ZDHHC18: variants seen among roughly 807,000 people sequenced by gnomAD.
The protein encoded by ZDHHC18 is palmitoyltransferase ZDHHC18.
Under a neutral mutation model 37.5 loss-of-function variants are expected in ZDHHC18, and 23 were observed. The observed-to-expected ratio is 0.61, with a 90% CI of 0.44 to 0.87. The LOEUF (loss-of-function observed/expected upper bound fraction) is 0.87, where lower values mean the gene tolerates loss of function less well. Ranked by LOEUF, ZDHHC18 falls within the 40% of genes least tolerant of loss-of-function variation. The probability of loss-of-function intolerance (pLI) is 0.00; values close to 1 mark genes in which losing one functional copy is unlikely to be tolerated. For missense variants in ZDHHC18, 406 were observed against 525.6 expected (o/e 0.77, Z 2.22); for synonymous variants, 185 against 218.7 (o/e 0.85, Z 1.36).
chr1:26,835,258 A>G (rs955453692), intron 2 of ZDHHC18, among the ~76,000 whole-genome samples: 7 of 152,234 alleles, frequency 4.6e-5, no homozygotes, highest in Admixed American at 1.3e-4. Flanking sequence ...GGTGGAATCA[A>G]TCTTGTAGGG....
Position 26,827,133 on chromosome 1 carries a change from T to A in ZDHHC18, c.329T>A (p.Val110Asp). 7.1e-7 allele frequency: 1 copy of A among 1,410,040 alleles called. No homozygotes were observed. The highest frequency in any genetic ancestry group is 1.5e-5 in the African/African-American group (1 of 66,938). 87.3% of individuals were successfully genotyped at this position (1,410,040 alleles called of 1,614,324 possible). A position where few individuals can be genotyped will look rare whatever the true frequency, so the allele number is the denominator to read the frequency against. Residue 110 changes from valine to aspartate, a missense_variant, in exon 1 of 8, where the codon GTC becomes GAC. Val to Asp is a radical substitution (Grantham distance 152). Transcript: ENST00000374142. The stretch of plus-strand genomic sequence containing the variant: ...CTCACCACCACCGGCCTCTTCTTCG[T>A]CTTTGAGTGAGTTCCGCTGCCTCGG... ...LILTTTGLFF[V>D]FDCPYLARKL...
Position 26,826,989 on chromosome 1 carries a change from T to A in ZDHHC18, c.185T>A (p.Leu62His), listed in dbSNP as rs1192631554. 60 of 1,227,362 alleles carry A rather than the reference T, an allele frequency of 4.9e-5. 1 individual carries two copies. In the South Asian group the frequency reaches 1.5e-3, roughly 32 times the overall value. 76.0% of individuals were successfully genotyped at this position (1,227,362 alleles called of 1,614,324 possible). A position where few individuals can be genotyped will look rare whatever the true frequency, so the allele number is the denominator to read the frequency against. The change falls in exon 1 of 8, where the codon CTC (leucine) becomes CAC (histidine). Residue 62 changes from leucine to histidine, a missense_variant. By Grantham distance (99) the Leu-to-His change is moderately conservative (BLOSUM62 -3). Transcript: ENST00000374142. The surrounding 1 kb of genome is among the most constrained non-coding windows in gnomAD (Gnocchi z 5.2). The part of the protein sequence containing the change: ...GSGSGSGSGS[L>H]GRRPRRKWEV... ...GGCAGCGGCAGCGGGAGCGGGAGCC[T>A]CGGCCGCCGCCCACGGCGCAAGTGG...
intron 2 of ZDHHC18, among the ~76,000 whole-genome samples, chr1:26,835,223 A>G (rs1327968816): frequency 6.6e-6 from 1 of 152,232 alleles, no homozygotes; most frequent in Non-Finnish European, 1.5e-5. Flanking sequence ...TAGGGATATT[A>G]GAGATATTCC....
chr1:26,828,675 C>T (rs60314236), intron 1 of ZDHHC18, among the ~76,000 whole-genome samples: 19,538 of 151,822 alleles, frequency 0.13, 1,414 homozygotes, highest in Non-Finnish European at 0.17. Flanking sequence ...TAGCTTCTCC[C>T]TTTACCCTTT....
chr1:26,849,849 G>C (rs1466415940), intron 3 of ZDHHC18, among the ~76,000 whole-genome samples: 1 of 152,226 alleles, frequency 6.6e-6, no homozygotes, highest in Non-Finnish European at 1.5e-5. Flanking sequence ...GCACTGCTCT[G>C]GATCCTGGGG....
At chr1:26,840,202 A>T (rs2081631184) in intron 2 of ZDHHC18, among the ~76,000 whole-genome samples, 1 of 152,148 alleles carries the variant, frequency 6.6e-6, no homozygotes, top group Non-Finnish European at 1.5e-5. Flanking sequence ...GATTCCAGTA[A>T]CTTCTGTCAG....
chr1:26,852,604 C>G (rs549131173), intron 6 of ZDHHC18, 149 bp from the exon 7 acceptor site: 2 of 641,884 alleles, frequency 3.1e-6, no homozygotes, highest in Admixed American at 2.8e-5. Context: ...CCCCCACATT[C>G]TCATTGAATG....
intron 6 of ZDHHC18, 62 bp from the exon 7 acceptor site, chr1:26,852,691 C>T: frequency 6.2e-6 from 9 of 1,458,052 alleles, no homozygotes; most frequent in Non-Finnish European, 8.6e-6. Flanking sequence ...GCCTCTAGAC[C>T]TGCCTCCTAG....
At chr1:26,835,913 G>A (rs1486193748) in intron 2 of ZDHHC18, among the ~76,000 whole-genome samples, 1 of 152,154 alleles carries the variant, frequency 6.6e-6, no homozygotes, top group African/African-American at 2.4e-5. Flanking sequence ...GTCTGGCCCA[G>A]GGCTCCTGCC....
chr1:26,838,196 T>C (rs2124254445), intron 2 of ZDHHC18, among the ~76,000 whole-genome samples: 1 of 152,094 alleles, frequency 6.6e-6, no homozygotes, highest in South Asian at 2.1e-4. Context: ...AGTTTCTCCA[T>C]GTTGGTCAGG....
At chr1:26,848,472 C>T (rs79515699) in intron 2 of ZDHHC18, 136 bp from the exon 3 acceptor site, 4 of 1,173,064 alleles carry the variant, frequency 3.4e-6, no homozygotes, top group Non-Finnish European at 4.9e-6. Context: ...ACATTTTACT[C>T]CAATGTTTGT....
intron 2 of ZDHHC18, among the ~76,000 whole-genome samples, chr1:26,838,774 C>T (rs775170184): frequency 6.6e-6 from 1 of 152,272 alleles, no homozygotes; most frequent in Non-Finnish European, 1.5e-5. Flanking sequence ...TAATTATCCA[C>T]TTCTGTCTGA....
At chr1:26,827,448 G>A (rs2081563750) in intron 1 of ZDHHC18, among the ~76,000 whole-genome samples, 1 of 151,058 alleles carries the variant, frequency 6.6e-6, no homozygotes, top group Non-Finnish European at 1.5e-5. Flanking sequence ...AGGAACACCA[G>A]CCTCCATGCC....
In ZDHHC18 at chr1:26,854,038, G is replaced by A. The variant is rs1570677770; in HGVS notation, c.*195G>A. ...TGCTCCCCAAACCCAGGTTCCCACA[G>A]CCTTGGGCCCTAGGTACCCCAGCTG... On this transcript the variant is annotated 3_prime_UTR_variant, in exon 8 of 8. Transcript: ENST00000374142. The surrounding 1 kb of genome is among the most constrained non-coding windows in gnomAD (Gnocchi z 4.6). 1.7e-6 allele frequency: 1 copy of A among 601,186 alleles called. No homozygotes were observed. Among genetic ancestry groups the A allele is most frequent in the East Asian group, 2.8e-5 (1 of 35,258 alleles). 37.2% of individuals were successfully genotyped at this position (601,186 alleles called of 1,614,324 possible).
Position 26,832,492 on chromosome 1 carries a change from C to T in ZDHHC18, c.381C>T (p.Ile127=), listed in dbSNP as rs754404568. The change falls in exon 2 of 8, where the codon ATC becomes ATT. Residue 127 remains isoleucine, a synonymous_variant. Coordinates refer to ENST00000374142, the MANE Select transcript of ZDHHC18 (RefSeq NM_032283.3). ...ARKLTLAIPI[I]AAILFFFVMS... ...AGCTGACCCTTGCCATCCCCATCAT[C>T]GCTGCCATCCTCTTCTTCTTCGTCA... is the stretch of plus-strand genomic sequence containing the variant. 8 of 1,614,064 alleles carry T rather than the reference C, an allele frequency of 5.0e-6. No individual in the cohort carries two copies. The highest frequency in any genetic ancestry group is 2.2e-5 in the East Asian group (1 of 44,888).
In ZDHHC18 at chr1:26,853,805, G is replaced by C. The variant is rs377575653; in HGVS notation, c.1129G>C (p.Ala377Pro). The C allele has an allele frequency of 6.2e-6, 10 of 1,613,938 alleles. No homozygotes were observed. The highest frequency in any genetic ancestry group is 1.6e-4 in the Middle Eastern group (1 of 6,084). Residue 377 changes from alanine to proline, a missense_variant, in exon 8 of 8, where the codon GCC becomes CCC. Transcript: ENST00000374142. ...CAGAAGCGATGAGCCAGCCTGCAGA[G>C]CCAAGCCTGATGCCAGCATGGTAGG... ...PIRSDEPACR[A>P]KPDASMVGGH...
chr1:26,833,145 C>A lies in ZDHHC18; in HGVS notation c.496+538C>A, dbSNP rs1409888237. On this transcript the variant is annotated intron_variant, in intron 2 of 7. Transcript: ENST00000374142. Reference sequence around the variant, plus strand: ...GTGATACAGCAGTGAACAAAACTGACAATAGTCCCTGTCCTCATGGAGCTT... The same window carrying A: ...GTGATACAGCAGTGAACAAAACTGAAAATAGTCCCTGTCCTCATGGAGCTT... 3.3e-5 allele frequency among the ~76,000 whole-genome samples: 5 copies of A among 152,286 alleles called. No individual in the cohort carries two copies. The South Asian group carries it at 6.2e-4, about 19-fold the overall frequency.
intron 2 of ZDHHC18, among the ~76,000 whole-genome samples, chr1:26,847,196 A>G (rs1043645578): frequency 1.4e-4 from 21 of 151,926 alleles, no homozygotes; most frequent in Non-Finnish European, 2.2e-4. Flanking sequence ...CACCTGGCCA[A>G]TTGTTCCCTA....
At chr1:26,848,807 A>T in intron 3 of ZDHHC18, 50 bp downstream of exon 3, 1 of 1,587,272 alleles carries the variant, frequency 6.3e-7, no homozygotes, top group Non-Finnish European at 8.6e-7. Flanking sequence ...AGAGAGACTG[A>T]GTCGTGGGGA....
Sources: gnomAD v4.1 joint callset for allele counts (sites outside exome capture counted in the v4.1 genomes callset) on GRCh38, gnomAD v4.1.1 for gene constraint, Gnocchi (gnomAD v3.1) non-coding constraint, MANE v1.5 for transcripts, NCBI Gene and HGNC (gene_info 2026-07-23, HGNC 2026-07-21) for gene names.